TXLNG: variants seen among roughly 807,000 people sequenced by gnomAD.
The protein encoded by TXLNG is taxilin gamma, also known as gamma-taxilin.
In TXLNG, 5 loss-of-function variants were observed where a neutral mutation model predicts 38.8. That is an observed-to-expected ratio of 0.13 (90% CI 0.07 to 0.27). The LOEUF is 0.27. Among genes scored for constraint, TXLNG ranks in the 10% least tolerant of loss-of-function variants. The pLI, the probability that TXLNG is intolerant of heterozygous loss-of-function variation, is 1.00. For missense variants in TXLNG, 393 were observed against 398.2 expected (o/e 0.99, Z 0.11); for synonymous variants, 182 against 158.2 (o/e 1.15, Z -1.13).
intron 1 of TXLNG, among the ~76,000 whole-genome samples, chrX:16,808,372 T>C (rs1928400737): frequency 9.0e-6 from 1 of 111,223 alleles, no homozygotes; most frequent in Admixed American, 9.6e-5. Context: ...TCATTTGAGA[T>C]TGGAATTTAA....
chrX:16,825,651 G>T (rs1247853514), intron 3 of TXLNG, among the ~76,000 whole-genome samples: 2 of 112,253 alleles, frequency 1.8e-5, no homozygotes, highest in African/African-American at 6.5e-5. Flanking sequence ...TTCTCACTTT[G>T]TGTGGTATGT....
intron 1 of TXLNG, among the ~76,000 whole-genome samples, chrX:16,818,328 A>T (rs895880627): frequency 2.7e-5 from 3 of 112,120 alleles, no homozygotes; most frequent in Non-Finnish European, 5.6e-5. Flanking sequence ...ATTTAGATTT[A>T]TAACTAAATG....
intron 1 of TXLNG, among the ~76,000 whole-genome samples, chrX:16,808,843 C>T (rs976666567): frequency 1.8e-5 from 2 of 111,230 alleles, no homozygotes; most frequent in African/African-American, 6.5e-5. Context: ...GCATAAATAA[C>T]CTTATGTATT....
chrX:16,809,632 C>T (rs1299317001), intron 1 of TXLNG, among the ~76,000 whole-genome samples: 1 of 110,713 alleles, frequency 9.0e-6, no homozygotes, highest in Non-Finnish European at 1.9e-5. Flanking sequence ...GTGTGAGCCA[C>T]CGCACCAGGC....
rs765440749 is a variant in TXLNG, at chrX:16,801,542, C to T, written c.102+14953C>T. 8.9e-5 allele frequency among the ~76,000 whole-genome samples: 10 copies of T among 111,765 alleles called. No homozygotes were observed. The South Asian group carries it at 2.6e-3, about 29-fold the overall frequency. On this transcript the variant is annotated intron_variant, in intron 1 of 9. Transcript: ENST00000380122. ...GCCTAACACACCTCCCTTTCCATTA[C>T]GCTTACCTGAAGTCTAGTCCCCAAA...
intron 7 of TXLNG, 79 bp downstream of exon 7, chrX:16,834,436 C>G (rs1479376271): frequency 2.0e-5 from 18 of 920,581 alleles, no homozygotes; most frequent in Non-Finnish European, 2.7e-5. Flanking sequence ...TCAATCTCCT[C>G]TAAGATGGTT....
intron 2 of TXLNG, among the ~76,000 whole-genome samples, chrX:16,819,356 A>G (rs1928856563): frequency 9.0e-6 from 1 of 111,511 alleles, no homozygotes; most frequent in Non-Finnish European, 1.9e-5. Context: ...ATGTGAGTAG[A>G]AAAGCATTCT....
At chrX:16,838,671 A>G (rs1929689187) in intron 8 of TXLNG, among the ~76,000 whole-genome samples, 1 of 112,238 alleles carries the variant, frequency 8.9e-6, no homozygotes, top group Non-Finnish European at 1.9e-5. Flanking sequence ...TTCCATGAGC[A>G]GCAGATTCGT....
chrX:16,797,707 T>C (rs570794662), intron 1 of TXLNG, among the ~76,000 whole-genome samples: 2 of 112,502 alleles, frequency 1.8e-5, no homozygotes, highest in East Asian at 5.6e-4. Context: ...ATCGTAATCA[T>C]AGAAATGACA....
chrX:16,805,007 T>TTTTTTTG (rs1162642529), intron 1 of TXLNG, among the ~76,000 whole-genome samples: 512 of 38,721 alleles, frequency 0.013, 99 homozygotes, highest in South Asian at 0.027. Flanking sequence ...TTTTTTTTTT[T>TTTTTTTG]GAGAGACAGA....
At chrX:16,814,235 G>C (rs180829791) in intron 1 of TXLNG, among the ~76,000 whole-genome samples, 52 of 112,281 alleles carry the variant, frequency 4.6e-4, no homozygotes, top group Admixed American at 2.5e-3. Flanking sequence ...TAGTCTCTCT[G>C]TATAAGGGAT....
chrX:16,792,101 CAA>C (rs960256193), intron 1 of TXLNG, among the ~76,000 whole-genome samples: 5 of 111,987 alleles, frequency 4.5e-5, no homozygotes, highest in Non-Finnish European at 7.5e-5. Flanking sequence ...TTGGAGACCT[CAA>C]ATTTCATTTG....
intron 8 of TXLNG, chrX:16,839,367 G>A (rs1221418078): frequency 2.7e-5 from 3 of 111,906 alleles, no homozygotes; most frequent in African/African-American, 9.8e-5. Context: ...TTGTGGGGCT[G>A]AAGATCGCTG....
intron 1 of TXLNG, among the ~76,000 whole-genome samples, chrX:16,789,573 T>C (rs1927629206): frequency 9.4e-6 from 1 of 105,964 alleles, no homozygotes. Flanking sequence ...TTATCAGCAT[T>C]GGTCTAAAAA....
rs1929865871 is a variant in TXLNG at position 16,842,015 on chromosome X, C to T, written c.*249C>T. The T allele has an allele frequency of 2.8e-6, 1 of 353,749 alleles. No individual in the cohort carries two copies. Among genetic ancestry groups the T allele is most frequent in the South Asian group, 6.8e-5 (1 of 14,620 alleles). The allele number at this position is 353,749 out of a possible 1,213,427, so 29.2% of individuals were successfully genotyped here. ...CCACTGGAATGCATGTGTTCATTGC[C>T]TTGTCCTTTCTCTCCCTGCTCCTTG... On this transcript the variant is annotated 3_prime_UTR_variant, in exon 10 of 10. Transcript: ENST00000380122.
At chrX:16,819,825 A>G (rs1272351631) in intron 2 of TXLNG, among the ~76,000 whole-genome samples, 1 of 112,176 alleles carries the variant, frequency 8.9e-6, no homozygotes, top group Admixed American at 9.6e-5. Context: ...AAGCTTTAAA[A>G]AAAATTCCAT....
intron 9 of TXLNG, among the ~76,000 whole-genome samples, chrX:16,840,141 C>G (rs1380531495): frequency 8.9e-6 from 1 of 112,448 alleles, no homozygotes; most frequent in South Asian, 3.6e-4. Flanking sequence ...GAGCTTCCTA[C>G]CACCCAGTTA....
At chrX:16,814,011 G>A (rs1180877645) in intron 1 of TXLNG, among the ~76,000 whole-genome samples, 2 of 111,215 alleles carry the variant, frequency 1.8e-5, no homozygotes, top group Non-Finnish European at 1.9e-5. Context: ...GCGTGAACCC[G>A]GGAGATGGAG....
At position 16,786,519 on chromosome X, in the gene TXLNG, G is replaced by T. The variant is rs1025699832; in HGVS notation, c.32G>T (p.Gly11Val). 9.0e-7 allele frequency: 1 copy of T among 1,111,390 alleles called. No homozygotes were observed. Among genetic ancestry groups the T allele is most frequent in the Non-Finnish European group, 1.2e-6 (1 of 849,472 alleles). 91.6% of individuals were successfully genotyped at this position (1,111,390 alleles called of 1,213,427 possible). A position where few individuals can be genotyped will look rare whatever the true frequency, so the allele number is the denominator to read the frequency against. MATRVEEAAR[G>V]RGGGAEEATE... ...ACGCGGGTAGAGGAGGCAGCGCGGG[G>T]AAGAGGCGGCGGCGCCGAAGAGGCG... is the stretch of plus-strand genomic sequence containing the variant. Residue 11 changes from glycine to valine, a missense_variant, in exon 1 of 10, where the codon GGA (glycine) becomes GTA (valine). Transcript: ENST00000380122.
Sources: allele counts gnomAD v4.1 joint callset (sites outside exome capture counted in the v4.1 genomes callset), GRCh38; gene constraint gnomAD v4.1.1; transcripts MANE v1.5; gene names NCBI Gene and HGNC (gene_info 2026-07-23, HGNC 2026-07-21).